Variants in RANBP2 observed in about 807,000 individuals in gnomAD.
RANBP2 encodes the protein E3 SUMO-protein ligase RanBP2.
In RANBP2, 57 loss-of-function variants were observed where a neutral mutation model predicts 303.6. The observed-to-expected ratio is 0.19, with a 90% CI of 0.15 to 0.23. The LOEUF is 0.23. RANBP2 is among the 10% of genes least tolerant of loss of function. RANBP2 has a pLI of 1.00. For synonymous variants in RANBP2, 1,167 were observed against 1,301.5 expected (o/e 0.90, Z 2.23); for missense variants, 3,138 against 3,780.8 (o/e 0.83, Z 4.46).
At chr2:108,968,917 T>C in the RANBP2 span, among the ~76,000 whole-genome samples, 1 of 152,218 alleles carries the variant, frequency 6.6e-6, no homozygotes, top group Non-Finnish European at 1.5e-5. Flanking sequence ...TTTAGCCTGA[T>C]AAAAAAGACA....
chr2:109,318,876 C>T, the RANBP2 span, among the ~76,000 whole-genome samples: 2 of 152,256 alleles, frequency 1.3e-5, no homozygotes, highest in South Asian at 2.1e-4. Context: ...GAACCAAAGC[C>T]AGCTGGAATT....
chr2:109,176,822 T>C, the RANBP2 span, among the ~76,000 whole-genome samples: 3 of 152,340 alleles, frequency 2.0e-5, no homozygotes, highest in South Asian at 6.2e-4. Flanking sequence ...CTTTATCTTA[T>C]GTGACACGGC....
the RANBP2 span, among the ~76,000 whole-genome samples, chr2:109,101,467 T>C: frequency 6.6e-6 from 1 of 151,578 alleles, no homozygotes; most frequent in East Asian, 2.0e-4. Context: ...GTGGAGCTTG[T>C]AGTTGAGCCG....
the RANBP2 span, among the ~76,000 whole-genome samples, chr2:109,093,730 T>C: frequency 2.0e-5 from 3 of 152,224 alleles, no homozygotes; most frequent in African/African-American, 7.2e-5. Flanking sequence ...TCTTCTTGAA[T>C]TGCATTTTTC....
the RANBP2 span, among the ~76,000 whole-genome samples, chr2:108,907,124 C>A: frequency 2.0e-5 from 3 of 152,174 alleles, no homozygotes; most frequent in African/African-American, 4.8e-5. Context: ...CATTACAGGG[C>A]GGTAGGTGAT....
At chr2:109,422,544 T>C in the RANBP2 span, among the ~76,000 whole-genome samples, 1 of 152,164 alleles carries the variant, frequency 6.6e-6, no homozygotes, top group East Asian at 1.9e-4. Flanking sequence ...ACCCAGTGCA[T>C]GGAGGCGACT....
chr2:109,415,484 T>C, the RANBP2 span, among the ~76,000 whole-genome samples: 1 of 152,084 alleles, frequency 6.6e-6, no homozygotes, highest in Admixed American at 6.5e-5. Context: ...GCGGCTGCTA[T>C]TCCTACTAAC....
chr2:109,343,470 A>T, the RANBP2 span, among the ~76,000 whole-genome samples: 2 of 151,528 alleles, frequency 1.3e-5, no homozygotes, highest in African/African-American at 4.9e-5. Flanking sequence ...TGAGATGGGG[A>T]TACAGGGGGC....
the RANBP2 span, among the ~76,000 whole-genome samples, chr2:108,983,915 C>T: frequency 2.0e-5 from 3 of 152,302 alleles, no homozygotes; most frequent in Admixed American, 1.3e-4. Flanking sequence ...TCCCTCTCTC[C>T]AAGTGAGGAG....
At chr2:109,080,785 G>A in the RANBP2 span, among the ~76,000 whole-genome samples, 6 of 152,142 alleles carry the variant, frequency 3.9e-5, no homozygotes, top group East Asian at 1.9e-4. Flanking sequence ...GTGTAACCTC[G>A]TTCCTACATC....
At chr2:109,137,499 A>T in the RANBP2 span, among the ~76,000 whole-genome samples, 3 of 152,220 alleles carry the variant, frequency 2.0e-5, no homozygotes, top group African/African-American at 4.8e-5. Flanking sequence ...AGGACGATGG[A>T]GGTCAGGAGT....
chr2:108,986,862 G>A, the RANBP2 span, among the ~76,000 whole-genome samples: 4 of 152,214 alleles, frequency 2.6e-5, no homozygotes, highest in Non-Finnish European at 5.9e-5. Context: ...CATACTCACA[G>A]GAAAGGCTGG....
the RANBP2 span, among the ~76,000 whole-genome samples, chr2:108,945,440 GC>G: frequency 6.6e-6 from 1 of 152,146 alleles, no homozygotes; most frequent in Non-Finnish European, 1.5e-5. Context: ...CTGTTTTAAA[GC>G]CTTGAGACTT....
the RANBP2 span, among the ~76,000 whole-genome samples, chr2:109,462,890 C>T: frequency 3.0e-4 from 45 of 152,306 alleles, no homozygotes; most frequent in African/African-American, 9.9e-4. Flanking sequence ...ATTTGGCTCT[C>T]GTCAACTTAG....
chr2:109,381,472 C>T, the RANBP2 span, among the ~76,000 whole-genome samples: 1 of 152,140 alleles, frequency 6.6e-6, no homozygotes, highest in Non-Finnish European at 1.5e-5. Flanking sequence ...TCACACCTAC[C>T]CTCCGCAGGG....
At chr2:109,444,221 G>C in the RANBP2 span, among the ~76,000 whole-genome samples, 1 of 152,210 alleles carries the variant, frequency 6.6e-6, no homozygotes, top group African/African-American at 2.4e-5. Flanking sequence ...AAAAAGAACA[G>C]TGAACTTGGG....
chr2:109,249,877 G>T, the RANBP2 span, among the ~76,000 whole-genome samples: 9 of 150,580 alleles, frequency 6.0e-5, no homozygotes, highest in Non-Finnish European at 1.3e-4. Context: ...GTAGAGACGG[G>T]GTTTCACTGT....
chr2:109,007,814 T>C, the RANBP2 span, among the ~76,000 whole-genome samples: 2 of 152,206 alleles, frequency 1.3e-5, no homozygotes, highest in Non-Finnish European at 2.9e-5. Flanking sequence ...CTCTGATCTG[T>C]TGGAAATAGC....
At chr2:109,037,766 C>G in the RANBP2 span, among the ~76,000 whole-genome samples, 1 of 152,100 alleles carries the variant, frequency 6.6e-6, no homozygotes, top group East Asian at 1.9e-4. Context: ...ACAACATTTG[C>G]ACGCTAAAAT....
Sources: allele counts gnomAD v4.1 joint callset (sites outside exome capture counted in the v4.1 genomes callset), GRCh38; gene constraint gnomAD v4.1.1; transcripts MANE v1.5; gene names NCBI Gene and HGNC (gene_info 2026-07-23, HGNC 2026-07-21).